Variants in LRBA observed in about 807,000 individuals in gnomAD.
LRBA encodes LPS responsive beige-like anchor protein, also known as lipopolysaccharide-responsive and beige-like anchor protein.
LRBA carries 176 observed loss-of-function variants against 330.0 expected under a neutral mutation model. The ratio of observed to expected loss-of-function variants is 0.53; its 90% CI spans 0.47 to 0.60. The LOEUF (loss-of-function observed/expected upper bound fraction) is 0.60. Ranked by LOEUF, LRBA falls within the 20% of genes least tolerant of loss-of-function variation. LRBA has a pLI of 0.00. For synonymous variants in LRBA, 1,230 were observed against 1,193.0 expected, an observed-to-expected ratio of 1.03 and a Z score of -0.64; for missense variants, 3,259 against 3,444.8, an observed-to-expected ratio of 0.95 and a Z score of 1.35.
At chr4:150,505,929 T>G (rs370173198) in intron 40 of LRBA, among the ~76,000 whole-genome samples, 2,070 of 152,240 alleles carry the variant, frequency 0.014, 18 homozygotes, top group Middle Eastern at 0.041. Flanking sequence ...CAAACTACCA[T>G]CAGAGAATAC....
chr4:150,443,117 C>G (rs1211149270), intron 44 of LRBA, among the ~76,000 whole-genome samples: 1 of 152,156 alleles, frequency 6.6e-6, no homozygotes, highest in African/African-American at 2.4e-5. Context: ...AAGTAAATGA[C>G]TATCAGTGGT....
chr4:150,741,414 G>T (rs1224647413), intron 35 of LRBA, among the ~76,000 whole-genome samples: 2 of 152,066 alleles, frequency 1.3e-5, no homozygotes, highest in Non-Finnish European at 2.9e-5. Context: ...AGTTGTTCAG[G>T]ATTACTAGTC....
intron 36 of LRBA, among the ~76,000 whole-genome samples, chr4:150,709,562 A>C (rs1370349858): frequency 6.6e-6 from 1 of 151,920 alleles, no homozygotes; most frequent in Non-Finnish European, 1.5e-5. Context: ...ATCAGGTAAA[A>C]AAGAAATCAA....
intron 16 of LRBA, among the ~76,000 whole-genome samples, chr4:150,895,807 G>C (rs974282183): frequency 3.3e-5 from 5 of 152,168 alleles, no homozygotes; most frequent in African/African-American, 1.2e-4. Context: ...CCAGTAATGG[G>C]ATGGCTGGGT....
intron 40 of LRBA, among the ~76,000 whole-genome samples, chr4:150,522,748 T>C (rs1005701125): frequency 6.6e-6 from 1 of 152,224 alleles, no homozygotes; most frequent in Admixed American, 6.5e-5. Flanking sequence ...GTAGCATCCA[T>C]GTGGTGCTAA....
At chr4:150,463,989 G>A (rs535159489) in intron 44 of LRBA, among the ~76,000 whole-genome samples, 3 of 134,324 alleles carry the variant, frequency 2.2e-5, no homozygotes, top group African/African-American at 7.9e-5. Context: ...CAAAGATGGA[G>A]GAAGAGAAAA....
At chr4:150,978,181 C>T (rs1357314435) in intron 2 of LRBA, among the ~76,000 whole-genome samples, 1 of 152,218 alleles carries the variant, frequency 6.6e-6, no homozygotes, top group African/African-American at 2.4e-5. Flanking sequence ...CCAGGTGGTT[C>T]AGCACAGAGA....
rs1734525867 is a variant in LRBA, at chr4:150,335,406, TATATATATATACACACATATATAC to T, written c.7363-9532_7363-9509del. Reference sequence around the variant, plus strand: ...AAATATATGTGTATGTGTGGCTGTGTATATATATATACACACATATATACATATATATATACACGTATATATGTG... The same window carrying T: ...AAATATATGTGTATGTGTGGCTGTGTATATATATATACACGTATATATGTG... On this transcript the variant is annotated intron_variant, in intron 48 of 56. Coordinates refer to ENST00000651943, the MANE Select transcript of LRBA (RefSeq NM_001364905.1). Among the ~76,000 whole-genome samples, 4 of 149,290 alleles carry T rather than the reference TATATATATATACACACATATATAC, an allele frequency of 2.7e-5. No homozygotes were observed. The South Asian group carries it at 8.4e-4, about 31-fold the overall frequency.
intron 40 of LRBA, among the ~76,000 whole-genome samples, chr4:150,555,694 T>C (rs1767215716): frequency 6.6e-6 from 1 of 150,928 alleles, no homozygotes. Context: ...GAGCTTGCAG[T>C]GAGCCAAGAT....
chr4:150,302,921 A>AC, intron 52 of LRBA, 129 bp from the exon 53 acceptor site: 1 of 601,080 alleles, frequency 1.7e-6, no homozygotes. Context: ...TAATAATTTG[A>AC]CATGGTCCAA....
At chr4:150,607,011 A>T (rs1774710963) in intron 37 of LRBA, among the ~76,000 whole-genome samples, 1 of 152,218 alleles carries the variant, frequency 6.6e-6, no homozygotes, top group Non-Finnish European at 1.5e-5. Context: ...AAAATGGAAA[A>T]GGCACTATAA....
At position 150,583,586 on chromosome 4, in the gene LRBA, A is replaced by T. The variant is rs145752558; in HGVS notation, c.6330+4462T>A. 5.0e-6 allele frequency: 8 copies of T among 1,613,858 alleles called. No individual in the cohort carries two copies. In the African/African-American group the frequency reaches 9.3e-5, roughly 19 times the overall value. On this transcript the variant is annotated intron_variant, in intron 40 of 56. Coordinates refer to ENST00000651943, the MANE Select transcript of LRBA (RefSeq NM_001364905.1). This position sits in a 1 kb window ranked among gnomAD's most constrained non-coding sequence, Gnocchi z 9.8. Reference sequence around the variant, plus strand: ...GGGATCTGGCCTCGCAGCGCGGCACAGTGGCCTATGCCCCACATCCCTTGG... The same window carrying T: ...GGGATCTGGCCTCGCAGCGCGGCACTGTGGCCTATGCCCCACATCCCTTGG...
chr4:150,614,040 C>T (rs777325832), intron 37 of LRBA, among the ~76,000 whole-genome samples: 6 of 152,238 alleles, frequency 3.9e-5, no homozygotes, highest in South Asian at 2.1e-4. Flanking sequence ...CTCACATCTG[C>T]GCAGATCCAC....
intron 47 of LRBA, among the ~76,000 whole-genome samples, chr4:150,409,609 A>C (rs1280664416): frequency 6.6e-6 from 1 of 152,066 alleles, no homozygotes; most frequent in Non-Finnish European, 1.5e-5. Flanking sequence ...CCCCAAAAGG[A>C]TTTTGGCCAT....
chr4:150,868,344 A>G (rs750357411), intron 20 of LRBA, 39 bp from the exon 21 acceptor site: 31 of 1,477,752 alleles, frequency 2.1e-5, no homozygotes, highest in Non-Finnish European at 2.2e-5. Context: ...ACCAAACTCA[A>G]CAAAAAACTC....
intron 40 of LRBA, among the ~76,000 whole-genome samples, chr4:150,496,856 T>C (rs1419079587): frequency 1.3e-5 from 2 of 152,022 alleles, no homozygotes; most frequent in South Asian, 4.1e-4. Context: ...AGGAAAAATG[T>C]TGTTAGCCAA....
At chr4:150,891,059 C>T (rs1361550237) in intron 17 of LRBA, among the ~76,000 whole-genome samples, 1 of 152,304 alleles carries the variant, frequency 6.6e-6, no homozygotes, top group Middle Eastern at 3.4e-3. Context: ...CAAGCCTTTA[C>T]ATAAACCCTT....
intron 48 of LRBA, among the ~76,000 whole-genome samples, chr4:150,338,841 A>G (rs1162716021): frequency 2.0e-5 from 3 of 152,132 alleles, no homozygotes; most frequent in Non-Finnish European, 4.4e-5. Flanking sequence ...TTAGTTACCA[A>G]TTTGAGGATG....
intron 37 of LRBA, among the ~76,000 whole-genome samples, chr4:150,627,142 A>C (rs757513073): frequency 1.6e-4 from 25 of 152,110 alleles, no homozygotes; most frequent in Admixed American, 2.0e-4. Context: ...AGCTACATAC[A>C]AGTCATTTTG....
Sources: allele counts gnomAD v4.1 joint callset (sites outside exome capture counted in the v4.1 genomes callset), GRCh38; gene constraint gnomAD v4.1.1; non-coding constraint Gnocchi (gnomAD v3.1); transcripts MANE v1.5; gene names NCBI Gene and HGNC (gene_info 2026-07-23, HGNC 2026-07-21).